Variants in LRRTM4 observed in about 807,000 individuals in gnomAD.
The protein encoded by LRRTM4 is leucine rich repeat transmembrane neuronal 4, also known as leucine-rich repeat transmembrane neuronal protein 4.
Under a neutral mutation model 47.6 loss-of-function variants are expected in LRRTM4, and 25 were observed. The ratio of observed to expected loss-of-function variants is 0.53; its 90% CI spans 0.38 to 0.73. The LOEUF (loss-of-function observed/expected upper bound fraction) is 0.73. LRRTM4 is among the 30% of genes least tolerant of loss of function. LRRTM4 has a pLI of 0.00. For missense variants in LRRTM4, 638 were observed against 713.4 expected (o/e 0.89, Z 1.20); for synonymous variants, 311 against 269.5 (o/e 1.15, Z -1.51).
At chr2:77,171,910 C>T (rs929164675) in intron 3 of LRRTM4, among the ~76,000 whole-genome samples, 2 of 152,066 alleles carry the variant, frequency 1.3e-5, no homozygotes, top group African/African-American at 4.8e-5. Context: ...TTTGCACAAA[C>T]TTTGTAAGGG....
At chr2:77,358,139 T>C (rs958273766) in intron 3 of LRRTM4, among the ~76,000 whole-genome samples, 14 of 152,162 alleles carry the variant, frequency 9.2e-5, no homozygotes, top group Non-Finnish European at 1.8e-4. Flanking sequence ...ATTTCTGTCT[T>C]AGTTTTGTGT....
intron 3 of LRRTM4, among the ~76,000 whole-genome samples, chr2:77,299,043 T>C (rs1281833854): frequency 1.3e-5 from 2 of 152,116 alleles, no homozygotes; most frequent in Non-Finnish European, 2.9e-5. Context: ...AAGGTTTACA[T>C]AACGTATAAA....
At chr2:76,874,530 T>C (rs1672725575) in intron 3 of LRRTM4, among the ~76,000 whole-genome samples, 1 of 152,086 alleles carries the variant, frequency 6.6e-6, no homozygotes, top group Non-Finnish European at 1.5e-5. Flanking sequence ...GTATATTTTA[T>C]GCTGATTAAA....
At position 76,899,311 on chromosome 2, in the gene LRRTM4, CCACACACACACACACA is replaced by C. The variant is rs34031809; in HGVS notation, c.1552-150411_1552-150396del. 3.5e-3 allele frequency among the ~76,000 whole-genome samples: 476 copies of C among 136,436 alleles called. 5 individuals carry two copies. The highest frequency in any genetic ancestry group is 0.011 in the African/African-American group (412 of 36,428). The allele number at this position is 136,436 out of a possible 152,430, so 89.5% of individuals were successfully genotyped here. A position where few individuals can be genotyped will look rare whatever the true frequency, so the allele number is the denominator to read the frequency against. The stretch of plus-strand genomic sequence containing the variant: ...TTGGAGGGAGAGAAAGACTAATAAA[CCACACACACACACACA>C]CACACACACACACACACACACACAC... On this transcript the variant is annotated intron_variant, in intron 3 of 3. Transcript: ENST00000409884.
chr2:77,108,750 A>AT (rs1348662331), intron 3 of LRRTM4, among the ~76,000 whole-genome samples: 2 of 151,692 alleles, frequency 1.3e-5, no homozygotes, highest in East Asian at 1.9e-4. Context: ...CGCCCGGCTA[A>AT]TTTTTTGTAT....
At chr2:76,792,182 GGTACAATACTTTACCT>G (rs1400519188) in intron 3 of LRRTM4, among the ~76,000 whole-genome samples, 1 of 151,744 alleles carries the variant, frequency 6.6e-6, no homozygotes, top group South Asian at 2.1e-4. Flanking sequence ...CATGGCTTTT[GGTACAATACTTTACCT>G]GTAGTATAAT....
intron 3 of LRRTM4, among the ~76,000 whole-genome samples, chr2:77,072,614 A>T (rs1418975585): frequency 6.6e-6 from 1 of 151,908 alleles, no homozygotes; most frequent in Non-Finnish European, 1.5e-5. Context: ...CCTGGCCAAC[A>T]TGACGAAATC....
At chr2:77,111,288 T>C (rs1671241615) in intron 3 of LRRTM4, among the ~76,000 whole-genome samples, 1 of 143,972 alleles carries the variant, frequency 6.9e-6, no homozygotes, top group African/African-American at 2.8e-5. Context: ...TGGCTATTTT[T>C]TTTTTTTTTT....
chr2:77,093,480 A>AC lies in LRRTM4; in HGVS notation c.1552-344565dup, dbSNP rs371881414. On this transcript the variant is annotated intron_variant, in intron 3 of 3. Coordinates refer to ENST00000409884, the MANE Select transcript of LRRTM4 (RefSeq NM_001134745.3). ...TAACATCCCCACAATATCACCCCTTACACAAGACTTCCCTTCAGCTTAATC... is the reference window on the plus strand; with the variant it reads ...TAACATCCCCACAATATCACCCCTTACCACAAGACTTCCCTTCAGCTTAATC... 1.0e-2 allele frequency among the ~76,000 whole-genome samples: 1,509 copies of AC among 151,090 alleles called. 35 individuals are homozygous for AC. Among genetic ancestry groups the AC allele is most frequent in the African/African-American group, 0.035 (1,408 of 40,564 alleles).
intron 3 of LRRTM4, among the ~76,000 whole-genome samples, chr2:76,846,604 A>C (rs1488359279): frequency 6.6e-6 from 1 of 151,702 alleles, no homozygotes; most frequent in East Asian, 1.9e-4. Flanking sequence ...AATAAAGAGA[A>C]ACACTCACTT....
At chr2:76,936,661 A>G (rs1674961449) in intron 3 of LRRTM4, among the ~76,000 whole-genome samples, 1 of 151,634 alleles carries the variant, frequency 6.6e-6, no homozygotes, top group Non-Finnish European at 1.5e-5. Flanking sequence ...TTTCTCATTC[A>G]AAGATCCACC....
intron 3 of LRRTM4, among the ~76,000 whole-genome samples, chr2:76,947,930 A>G (rs901116026): frequency 2.0e-5 from 3 of 151,842 alleles, no homozygotes; most frequent in African/African-American, 7.2e-5. Context: ...AAGCTGCCCA[A>G]ATATCCTGAT....
chr2:77,417,127 A>AGACACAT lies in LRRTM4; in HGVS notation c.1551+101184_1551+101190dup, dbSNP rs1323225520. ...AAAAGAAGACATTTATGCAGACAAAAGACACATGAAAAAATGCTCATCATC... is the reference window on the plus strand; with the variant it reads ...AAAAGAAGACATTTATGCAGACAAAAGACACATGACACATGAAAAAATGCTCATCATC... On this transcript the variant is annotated intron_variant, in intron 3 of 3. Transcript: ENST00000409884. Among the ~76,000 whole-genome samples, 4 of 152,188 alleles carry AGACACAT rather than the reference A, an allele frequency of 2.6e-5. No homozygotes were observed. The South Asian group carries it at 6.2e-4, about 24-fold the overall frequency.
At chr2:76,787,726 G>A (rs1674753857) in intron 3 of LRRTM4, among the ~76,000 whole-genome samples, 2 of 152,010 alleles carry the variant, frequency 1.3e-5, no homozygotes, top group East Asian at 1.9e-4. Flanking sequence ...GACTTGTTTT[G>A]CAACTATGAA....
intron 3 of LRRTM4, among the ~76,000 whole-genome samples, chr2:77,000,703 CAA>C (rs1166075456): frequency 6.6e-6 from 1 of 152,174 alleles, no homozygotes; most frequent in African/African-American, 2.4e-5. Context: ...TTATAGAACT[CAA>C]GAGTAGTAGA....
intron 3 of LRRTM4, among the ~76,000 whole-genome samples, chr2:77,197,922 G>C (rs1412194825): frequency 6.6e-6 from 1 of 152,146 alleles, no homozygotes; most frequent in South Asian, 2.1e-4. Context: ...GGGAAAAACT[G>C]TTTTGAATTA....
chr2:76,865,343 G>C (rs1383577188), intron 3 of LRRTM4, among the ~76,000 whole-genome samples: 1 of 152,124 alleles, frequency 6.6e-6, no homozygotes, highest in East Asian at 1.9e-4. Flanking sequence ...CTCTCAGGTA[G>C]TGAAAAAGAG....
At chr2:77,490,182 G>A (rs528019976) in intron 3 of LRRTM4, among the ~76,000 whole-genome samples, 65 of 151,942 alleles carry the variant, frequency 4.3e-4, no homozygotes, top group African/African-American at 1.3e-3. Context: ...CTCAGGATGC[G>A]AAAGTTGCAG....
intron 3 of LRRTM4, among the ~76,000 whole-genome samples, chr2:77,455,593 T>G (rs1386275129): frequency 6.6e-6 from 1 of 151,800 alleles, no homozygotes; most frequent in Non-Finnish European, 1.5e-5. Flanking sequence ...TTCTCAAACC[T>G]CTTCTTTTCT....
Sources: allele counts gnomAD v4.1 joint callset (sites outside exome capture counted in the v4.1 genomes callset), GRCh38; gene constraint gnomAD v4.1.1; transcripts MANE v1.5; gene names NCBI Gene and HGNC (gene_info 2026-07-23, HGNC 2026-07-21).